PRMT8: variants seen among roughly 807,000 people sequenced by gnomAD.
PRMT8 encodes the protein protein arginine N-methyltransferase 8.
Under a neutral mutation model 47.1 loss-of-function variants are expected in PRMT8, and 7 were observed. That is an observed-to-expected ratio of 0.15 (90% CI 0.08 to 0.28). PRMT8 has a LOEUF of 0.28. Among genes scored for constraint, PRMT8 ranks in the 10% least tolerant of loss-of-function variants. The probability of loss-of-function intolerance (pLI) is 1.00; values close to 1 mark genes in which losing one functional copy is unlikely to be tolerated. For missense variants in PRMT8, 237 were observed against 505.4 expected, an observed-to-expected ratio of 0.47 and a Z score of 5.09; for synonymous variants, 188 against 186.5, an observed-to-expected ratio of 1.01 and a Z score of -0.07.
intron 1 of PRMT8, among the ~76,000 whole-genome samples, chr12:3,413,970 A>G (rs1864459245): frequency 6.6e-6 from 1 of 152,154 alleles, no homozygotes; most frequent in Admixed American, 6.5e-5. Context: ...CTGGGACCAA[A>G]TCCCCCATAG....
At chr12:3,463,984 C>G (rs906295377) in intron 1 of PRMT8, among the ~76,000 whole-genome samples, 3 of 152,132 alleles carry the variant, frequency 2.0e-5, no homozygotes, top group African/African-American at 7.2e-5. Context: ...TATAACTGGA[C>G]CCACTGTCTA....
upstream of PRMT8, among the ~76,000 whole-genome samples, chr12:3,489,791 CT>C (rs1304641140): frequency 6.7e-6 from 1 of 149,586 alleles, no homozygotes; most frequent in African/African-American, 2.5e-5. Flanking sequence ...TTAAGGTCAT[CT>C]TTTTATTCAA....
rs1276136934 is a variant in PRMT8 at position 3,508,830 on chromosome 12, C to T, written c.75+17130C>T. ...CACCTCAGGTTCGCTGGGTTGCCTCCGGAGTCCTGCCCTCTTCCCAGCTCC... is the reference window on the plus strand; with the variant it reads ...CACCTCAGGTTCGCTGGGTTGCCTCTGGAGTCCTGCCCTCTTCCCAGCTCC... On this transcript the variant is annotated intron_variant, in intron 1 of 9. Transcript: ENST00000382622. The surrounding 1 kb of genome is among the most constrained non-coding windows in gnomAD (Gnocchi z 4.9). 3.9e-5 allele frequency among the ~76,000 whole-genome samples: 6 copies of T among 152,200 alleles called. No homozygotes were observed. The highest frequency in any genetic ancestry group is 6.5e-5 in the Admixed American group (1 of 15,286).
At chr12:3,543,905 C>T (rs1328558272) in intron 2 of PRMT8, among the ~76,000 whole-genome samples, 2 of 152,192 alleles carry the variant, frequency 1.3e-5, no homozygotes, top group East Asian at 1.9e-4. Context: ...TCTGAAATCT[C>T]AGCGTCTCTA....
intron 2 of PRMT8, among the ~76,000 whole-genome samples, chr12:3,545,552 G>T (rs1320147672): frequency 6.6e-6 from 1 of 152,176 alleles, no homozygotes; most frequent in Non-Finnish European, 1.5e-5. Context: ...AATGGTTCTT[G>T]CCTCCTTTTC....
At chr12:3,546,369 C>G (rs76313805) in intron 2 of PRMT8, among the ~76,000 whole-genome samples, 1 of 152,026 alleles carries the variant, frequency 6.6e-6, no homozygotes. Context: ...AGAAACCAAG[C>G]AGTGGAGAAA....
At chr12:3,578,185 T>G (rs1435178691) in intron 7 of PRMT8, among the ~76,000 whole-genome samples, 1 of 152,124 alleles carries the variant, frequency 6.6e-6, no homozygotes, top group Non-Finnish European at 1.5e-5. Flanking sequence ...CAATCACAGC[T>G]CACTGCAATC....
chr12:3,530,079 C>T (rs1274099316), intron 1 of PRMT8, among the ~76,000 whole-genome samples: 2 of 152,150 alleles, frequency 1.3e-5, no homozygotes, highest in Non-Finnish European at 2.9e-5. Context: ...GGAGATAAGA[C>T]ACTTCTTGGT....
rs1866682889 is a variant in PRMT8, at chr12:3,564,268, T to C, written c.482-4438T>C. On this transcript the variant is annotated intron_variant, in intron 4 of 9. Coordinates refer to ENST00000382622, the MANE Select transcript of PRMT8 (RefSeq NM_019854.5). This position sits in a 1 kb window ranked among gnomAD's most constrained non-coding sequence, Gnocchi z 4.0. ...CCTGTGACCCTCATGCCTCCTCTTG[T>C]GTGGCACAGGACCTGCTCTCTGAAA... Among the ~76,000 whole-genome samples, 1 of 152,124 alleles carries C rather than the reference T, an allele frequency of 6.6e-6. No homozygotes were observed. Among genetic ancestry groups the C allele is most frequent in the Non-Finnish European group, 1.5e-5 (1 of 68,034 alleles).
intron 1 of PRMT8, among the ~76,000 whole-genome samples, chr12:3,523,045 T>G (rs1591583516): frequency 6.6e-6 from 1 of 152,086 alleles, no homozygotes; most frequent in Non-Finnish European, 1.5e-5. Flanking sequence ...TCAGCAGAAT[T>G]AAAACCTCCA....
chr12:3,510,967 G>C (rs1001936864), intron 1 of PRMT8, among the ~76,000 whole-genome samples: 1 of 152,182 alleles, frequency 6.6e-6, no homozygotes, highest in East Asian at 1.9e-4. Flanking sequence ...GCCAGAACCC[G>C]TGATCCTGAC....
chr12:3,486,328 C>T (rs990670178), upstream of PRMT8, among the ~76,000 whole-genome samples: 72 of 152,082 alleles, frequency 4.7e-4, no homozygotes, highest in African/African-American at 1.5e-3. Flanking sequence ...ATAAGACCCC[C>T]GATGGTACCT....
At chr12:3,388,310 G>A (rs941014376) in intron 1 of PRMT8, among the ~76,000 whole-genome samples, 1 of 152,136 alleles carries the variant, frequency 6.6e-6, no homozygotes, top group African/African-American at 2.4e-5. Flanking sequence ...AATATTGTTA[G>A]TAAGAATATT....
rs1866869525 is a variant in PRMT8, at chr12:3,572,681, C to T, written c.712+3117C>T. Among the ~76,000 whole-genome samples, 1 of 152,188 alleles carries T rather than the reference C, an allele frequency of 6.6e-6. No homozygotes were observed. The highest frequency in any genetic ancestry group is 2.4e-5 in the African/African-American group (1 of 41,452). On this transcript the variant is annotated intron_variant, in intron 6 of 9. Transcript: ENST00000382622. This position sits in a 1 kb window ranked among gnomAD's most constrained non-coding sequence, Gnocchi z 5.9. ...TTCTTCATGAGAGCCTAAAATGTGT[C>T]AATCTAGTGTAAACACTTTCCCTTC... is the stretch of plus-strand genomic sequence containing the variant.
chr12:3,398,253 G>T lies in PRMT8; in HGVS notation c.48+16811G>T, dbSNP rs141120249. ...TCCCTCGAAATTTGGATTTTATACT[G>T]CAGGTAATGGGGGGGCCTTTGCAGG... On this transcript the variant is annotated intron_variant, in intron 1 of 9. Transcript: ENST00000452611. Among the ~76,000 whole-genome samples, 472 of 152,238 alleles carry T rather than the reference G, an allele frequency of 3.1e-3. 3 individuals are homozygous for T. Among genetic ancestry groups the T allele is most frequent in the African/African-American group, 0.011 (452 of 41,552 alleles).
chr12:3,588,819 GAGGCATCTTCAGAATGGGGA>G (rs1442867993), intron 8 of PRMT8, among the ~76,000 whole-genome samples: 1 of 152,232 alleles, frequency 6.6e-6, no homozygotes, highest in Non-Finnish European at 1.5e-5. Flanking sequence ...TAAGAGCAGG[GAGGCATCTTCAGAATGGGGA>G]AGGCTGAAAG....
chr12:3,590,954 C>CATTT (rs1168843147), intron 8 of PRMT8, among the ~76,000 whole-genome samples: 1 of 152,076 alleles, frequency 6.6e-6, no homozygotes, highest in East Asian at 1.9e-4. Context: ...GGGGGGAAGG[C>CATTT]ATTTATCTTG....
rs76946906 is a variant in PRMT8 at position 3,586,635 on chromosome 12, A to C, written c.979+3427A>C. ...TTGAGCCTCACCCTGGACCTCCTGAATCAGAAACTCTGGGGGTGGGGGCCA... is the reference window on the plus strand; with the variant it reads ...TTGAGCCTCACCCTGGACCTCCTGACTCAGAAACTCTGGGGGTGGGGGCCA... On this transcript the variant is annotated intron_variant, in intron 8 of 9. Transcript: ENST00000382622. 6.1e-3 allele frequency among the ~76,000 whole-genome samples: 926 copies of C among 152,266 alleles called. 9 individuals carry two copies. The highest frequency in any genetic ancestry group is 0.02 in the African/African-American group (851 of 41,552).
chr12:3,513,601 G>A (rs993500443), intron 1 of PRMT8, among the ~76,000 whole-genome samples: 4 of 152,068 alleles, frequency 2.6e-5, no homozygotes, highest in Non-Finnish European at 4.4e-5. Context: ...TAGGGAATGC[G>A]TGCGCTCCGT....
Sources: allele counts gnomAD v4.1 joint callset (sites outside exome capture counted in the v4.1 genomes callset), GRCh38; gene constraint gnomAD v4.1.1; non-coding constraint Gnocchi (gnomAD v3.1); transcripts MANE v1.5; gene names NCBI Gene and HGNC (gene_info 2026-07-23, HGNC 2026-07-21).